TET3: variants seen among roughly 807,000 people sequenced by gnomAD.
TET3 encodes methylcytosine dioxygenase TET3.
A neutral mutation model predicts 141.4 loss-of-function variants in TET3; 19 were observed. The observed-to-expected ratio is 0.13, with a 90% confidence interval of 0.09 to 0.20. TET3 has a LOEUF of 0.20. TET3 is among the 10% of genes least tolerant of loss of function. The probability of loss-of-function intolerance (pLI) is 1.00; values close to 1 mark genes in which losing one functional copy is unlikely to be tolerated. For synonymous variants in TET3, 1,043 were observed against 980.9 expected (o/e 1.06, Z -1.18); for missense variants, 1,874 against 2,356.9 (o/e 0.80, Z 4.24).
chr2:74,038,150 A>C (rs1687165185), intron 3 of TET3, among the ~76,000 whole-genome samples: 1 of 152,170 alleles, frequency 6.6e-6, no homozygotes, highest in Non-Finnish European at 1.5e-5. Flanking sequence ...GGCGGGGTGC[A>C]GGGTCACCTT....
rs1573904878 is a variant in TET3 at position 74,093,027 on chromosome 2, A to C, written c.3129+36A>C. On this transcript the variant is annotated intron_variant, in intron 9 of 11. Transcript: ENST00000409262. This position sits in a 1 kb window ranked among gnomAD's most constrained non-coding sequence, Gnocchi z 4.2. ...CTGGGCCTTTTGCTGCCCACATGTC[A>C]CCGTCCACATCTCTGCTCAGGCTCT... 2.0e-6 allele frequency: 3 copies of C among 1,530,710 alleles called. No individual in the cohort carries two copies. Among genetic ancestry groups the C allele is most frequent in the Non-Finnish European group, 2.7e-6 (3 of 1,127,672 alleles). The allele number at this position is 1,530,710 out of a possible 1,614,324, so 94.8% of individuals were successfully genotyped here.
intron 2 of TET3, among the ~76,000 whole-genome samples, chr2:73,990,012 A>G (rs894758781): frequency 1.3e-5 from 2 of 152,206 alleles, no homozygotes; most frequent in African/African-American, 4.8e-5. Flanking sequence ...TAGGTAATCA[A>G]TGCATGATGA....
rs1684009563 is a variant in TET3, at chr2:73,986,035, G to A, written c.-369G>A. 1 of 186,108 alleles carries A rather than the reference G, an allele frequency of 5.4e-6. No homozygotes were observed. The highest frequency in any genetic ancestry group is 6.2e-5 in the Admixed American group (1 of 16,226). 11.5% of individuals were successfully genotyped at this position (186,108 alleles called of 1,614,324 possible). A position where few individuals can be genotyped will look rare whatever the true frequency, so the allele number is the denominator to read the frequency against. The stretch of plus-strand genomic sequence containing the variant: ...TGGAGGAAAAATACCAGGAGAAACT[G>A]CTCACTCAGCTCTGCCCCCACCACA... On this transcript the variant is annotated 5_prime_UTR_variant, in exon 2 of 12. Transcript: ENST00000409262.
At position 74,073,594 on chromosome 2, in the gene TET3, G is replaced by C; in HGVS notation, c.2540G>C (p.Gly847Ala). Reference sequence around the variant, plus strand: ...GAAGGTCCATATTATACTCACTTGGGATCTGGCCCCACGGTCGCCTCTATC... The same window carrying C: ...GAAGGTCCATATTATACTCACTTGGCATCTGGCCCCACGGTCGCCTCTATC... ...KDEGPYYTHL[G>A]SGPTVASIRE... is the part of the protein sequence containing the mutation. Residue 847 changes from glycine to alanine, a missense_variant, in exon 5 of 12, where the codon GGA becomes GCA. Gly to Ala is a moderately conservative substitution (Grantham distance 60). This residue lies in a region of TET3 where 126 missense variants were observed against 327.4 expected (regional missense o/e 0.38). Transcript: ENST00000409262. 6.2e-7 allele frequency: 1 copy of C among 1,612,490 alleles called. No homozygotes were observed. Among genetic ancestry groups the C allele is most frequent in the Non-Finnish European group, 8.5e-7 (1 of 1,179,382 alleles).
intron 2 of TET3, among the ~76,000 whole-genome samples, chr2:73,992,724 A>G (rs1684399096): frequency 6.6e-6 from 1 of 152,154 alleles, no homozygotes; most frequent in Non-Finnish European, 1.5e-5. Flanking sequence ...GGGCCAAAAA[A>G]CCAGAGATGG....
At chr2:73,994,946 A>G (rs949927470) in intron 2 of TET3, among the ~76,000 whole-genome samples, 2 of 143,672 alleles carry the variant, frequency 1.4e-5, no homozygotes, top group African/African-American at 5.2e-5. Flanking sequence ...TATCAGGTCT[A>G]TTTTCATGTT....
chr2:74,125,969 C>T, the TET3 span, among the ~76,000 whole-genome samples: 10 of 152,254 alleles, frequency 6.6e-5, no homozygotes, highest in East Asian at 1.9e-3. Context: ...CTATATTGTC[C>T]AGGCTGGTCT....
chr2:74,090,953 A>G (rs970343471), intron 8 of TET3, among the ~76,000 whole-genome samples: 1 of 152,070 alleles, frequency 6.6e-6, no homozygotes, highest in African/African-American at 2.4e-5. Context: ...AATCTCTCCA[A>G]GCTCCTAGTA....
chr2:74,048,350 G>A lies in TET3; in HGVS notation c.2433G>A (p.Lys811=), dbSNP rs1687761309. Residue 811 remains lysine, a synonymous_variant, in exon 4 of 12, where the codon AAG becomes AAA. Coordinates refer to ENST00000409262, the MANE Select transcript of TET3 (RefSeq NM_001287491.2). ...SPLKYLDTPT[K]SLLDTPAKRA... ...TTAAGTACCTGGACACACCCACCAA[G>A]AGTCTGCTGGACACACCTGCCAAGA... The A allele has an allele frequency of 6.8e-6, 11 of 1,613,886 alleles. No homozygotes were observed. Among genetic ancestry groups the A allele is most frequent in the Non-Finnish European group, 9.3e-6 (11 of 1,179,870 alleles).
At chr2:74,005,782 A>G (rs1685122633) in intron 3 of TET3, among the ~76,000 whole-genome samples, 1 of 152,242 alleles carries the variant, frequency 6.6e-6, no homozygotes, top group Admixed American at 6.5e-5. Context: ...AGTGCCTAGC[A>G]TAGGCACAGA....
intron 3 of TET3, among the ~76,000 whole-genome samples, chr2:74,007,035 C>G (rs183990068): frequency 3.2e-4 from 48 of 152,284 alleles, no homozygotes; most frequent in Non-Finnish European, 1.2e-4. Context: ...TTATCATGTT[C>G]TAGGTACAGC....
At chr2:74,044,600 C>G (rs1318839499) in intron 3 of TET3, among the ~76,000 whole-genome samples, 1 of 152,220 alleles carries the variant, frequency 6.6e-6, no homozygotes, top group Non-Finnish European at 1.5e-5. Context: ...GAGCCTCAGT[C>G]GTTTACCTTG....
In TET3 at chr2:74,051,239, G is replaced by A. The variant is rs146127499; in HGVS notation, c.2494+2828G>A. Among the ~76,000 whole-genome samples the A allele has an allele frequency of 9.8e-5, 15 of 152,296 alleles. No individual in the cohort carries two copies. In the South Asian group the frequency reaches 2.1e-3, roughly 21 times the overall value. ...CCTCCACCAGAGAGGATACATGTTC[G>A]CTTGTAGGCAGTGAGCAAAAATGCA... On this transcript the variant is annotated intron_variant, in intron 4 of 11. Coordinates refer to ENST00000409262, the MANE Select transcript of TET3 (RefSeq NM_001287491.2).
intron 4 of TET3, among the ~76,000 whole-genome samples, chr2:74,053,184 A>G (rs1034501200): frequency 6.6e-6 from 1 of 152,238 alleles, no homozygotes; most frequent in African/African-American, 2.4e-5. Flanking sequence ...TTGAATTTCT[A>G]TGTTGAATTA....
At chr2:73,990,121 T>C (rs989432154) in intron 2 of TET3, among the ~76,000 whole-genome samples, 1 of 151,946 alleles carries the variant, frequency 6.6e-6, no homozygotes, top group East Asian at 1.9e-4. Flanking sequence ...GGGCTAGGTA[T>C]GGTGGCTTAC....
At position 74,092,375 on chromosome 2, in the gene TET3, G is replaced by A. The variant is rs186965072; in HGVS notation, c.3040-527G>A. Among the ~76,000 whole-genome samples, 6 of 152,204 alleles carry A rather than the reference G, an allele frequency of 3.9e-5. No homozygotes were observed. In the South Asian group the frequency reaches 6.2e-4, roughly 16 times the overall value. ...GTTTGTGAATAACATTACGTAGTAC[G>A]AGTCTAGCAGCTGGAGCTTTGAAGT... On this transcript the variant is annotated intron_variant, in intron 8 of 11. Coordinates refer to ENST00000409262, the MANE Select transcript of TET3 (RefSeq NM_001287491.2).
At chr2:74,010,480 G>A (rs1229713072) in intron 3 of TET3, among the ~76,000 whole-genome samples, 3 of 152,194 alleles carry the variant, frequency 2.0e-5, no homozygotes, top group Non-Finnish European at 4.4e-5. Flanking sequence ...GTGTTTCCAG[G>A]GACTGGTCCC....
chr2:74,004,642 G>A (rs1685057501), intron 3 of TET3, among the ~76,000 whole-genome samples: 1 of 152,304 alleles, frequency 6.6e-6, no homozygotes, highest in South Asian at 2.1e-4. Context: ...GGGAGTAGTG[G>A]ATGATCACCT....
rs1690648608 is a variant in TET3 at position 74,093,794 on chromosome 2, G to A, written c.3267+128G>A. The A allele has an allele frequency of 4.7e-6, 6 of 1,264,306 alleles. No individual in the cohort carries two copies. Among genetic ancestry groups the A allele is most frequent in the Middle Eastern group, 2.7e-4 (1 of 3,638 alleles). The allele number at this position is 1,264,306 out of a possible 1,614,324, so 78.3% of individuals were successfully genotyped here. On this transcript the variant is annotated intron_variant, in intron 10 of 11. Transcript: ENST00000409262. This position sits in a 1 kb window ranked among gnomAD's most constrained non-coding sequence, Gnocchi z 4.2. ...AGACAGGATCCTCAGAACTCTGGAA[G>A]GTTCCCTGCAAGACGGCCTGCCTTC...
Sources: allele counts gnomAD v4.1 joint callset (sites outside exome capture counted in the v4.1 genomes callset), GRCh38; gene constraint gnomAD v4.1.1; regional missense constraint gnomAD v4.1.1; non-coding constraint Gnocchi (gnomAD v3.1); transcripts MANE v1.5; gene names NCBI Gene and HGNC (gene_info 2026-07-23, HGNC 2026-07-21).